GALNT17: variants seen among roughly 807,000 people sequenced by gnomAD.
GALNT17 encodes the protein UDP-GalNAc:polypeptide N-acetylgalactosaminyltransferase-like 3.
In GALNT17, 29 loss-of-function variants were observed where a neutral mutation model predicts 63.7. That is an observed-to-expected ratio of 0.46 (90% confidence interval 0.34 to 0.62). GALNT17 has a LOEUF of 0.62. GALNT17 is among the 20% of genes least tolerant of loss of function. The pLI, the probability that GALNT17 is intolerant of heterozygous loss-of-function variation, is 0.01. For synonymous variants in GALNT17, 305 were observed against 318.3 expected (o/e 0.96, Z 0.45); for missense variants, 603 against 799.6 (o/e 0.75, Z 2.97).
chr7:71,192,993 C>G (rs1788980719), intron 1 of GALNT17, among the ~76,000 whole-genome samples: 1 of 152,164 alleles, frequency 6.6e-6, no homozygotes, highest in South Asian at 2.1e-4. Flanking sequence ...TACACAGGCT[C>G]TGCATGAGTA....
intron 5 of GALNT17, among the ~76,000 whole-genome samples, chr7:71,529,810 G>A (rs1160789422): frequency 6.6e-6 from 1 of 152,196 alleles, no homozygotes; most frequent in Non-Finnish European, 1.5e-5. Flanking sequence ...TTAATAACCT[G>A]TGAATTTTAG....
chr7:71,678,580 G>C (rs1402571892), intron 9 of GALNT17, among the ~76,000 whole-genome samples: 3 of 151,916 alleles, frequency 2.0e-5, no homozygotes, highest in African/African-American at 4.8e-5. Flanking sequence ...GGCAGATCAT[G>C]AGGTCAGGAG....
At chr7:71,216,650 A>G (rs1585888133) in intron 1 of GALNT17, among the ~76,000 whole-genome samples, 1 of 151,070 alleles carries the variant, frequency 6.6e-6, no homozygotes. Context: ...ATATACAGAC[A>G]TACAAATACA....
At chr7:71,503,115 A>G (rs567247033) in intron 5 of GALNT17, among the ~76,000 whole-genome samples, 90 of 152,270 alleles carry the variant, frequency 5.9e-4, no homozygotes, top group African/African-American at 2.1e-3. Flanking sequence ...TTCTGTCCAC[A>G]GCTATTAAAT....
At chr7:71,447,634 C>A (rs1165404216) in intron 5 of GALNT17, among the ~76,000 whole-genome samples, 1 of 152,172 alleles carries the variant, frequency 6.6e-6, no homozygotes, top group Non-Finnish European at 1.5e-5. Context: ...CACTCTTACA[C>A]CACTTATTAA....
In GALNT17 at chr7:71,162,144, C is replaced by CCTTCCTTCCTTCCTTCCTTT. The variant is rs1788359675; in HGVS notation, c.238+29123_238+29124insTCTTCCTTCCTTCCTTCCTT. On this transcript the variant is annotated intron_variant, in intron 1 of 10. Transcript: ENST00000333538. ...CCCTCCCTTCCTTCCTTCCTTCCTT[C>CCTTCCTTCCTTCCTTCCTTT]CTTCCTTCCTTCCTTCCTTCCTTCC... Among the ~76,000 whole-genome samples the CCTTCCTTCCTTCCTTCCTTT allele has an allele frequency of 3.1e-4, 40 of 130,356 alleles. 1 individual carries two copies. Among genetic ancestry groups the CCTTCCTTCCTTCCTTCCTTT allele is most frequent in the African/African-American group, 1.0e-3 (33 of 32,716 alleles). 85.5% of individuals were successfully genotyped at this position (130,356 alleles called of 152,430 possible).
chr7:71,544,331 A>G, intron 5 of GALNT17, among the ~76,000 whole-genome samples: 1 of 137,268 alleles, frequency 7.3e-6, no homozygotes, highest in Non-Finnish European at 1.5e-5. Context: ...TTTAGTAGAG[A>G]CGGGGTTTCA....
At chr7:71,531,044 A>C (rs976405603) in intron 5 of GALNT17, among the ~76,000 whole-genome samples, 4 of 131,704 alleles carry the variant, frequency 3.0e-5, no homozygotes, top group Non-Finnish European at 4.8e-5. Flanking sequence ...AACTCACTGA[A>C]TCTTTATTTT....
chr7:71,461,880 A>G (rs572022808), intron 5 of GALNT17, among the ~76,000 whole-genome samples: 1 of 152,126 alleles, frequency 6.6e-6, no homozygotes, highest in Non-Finnish European at 1.5e-5. Flanking sequence ...TGTAATTGCT[A>G]TCAACTTGCT....
At chr7:71,230,007 C>T (rs559339084) in intron 1 of GALNT17, among the ~76,000 whole-genome samples, 4 of 152,232 alleles carry the variant, frequency 2.6e-5, no homozygotes, top group African/African-American at 9.6e-5. Context: ...AAACATGGTG[C>T]TGAGCATGTG....
rs995096687 is a variant in GALNT17 at position 71,132,509 on chromosome 7, C to A, written c.-294C>A. 2.3e-5 allele frequency: 9 copies of A among 383,772 alleles called. No homozygotes were observed. In the East Asian group the frequency reaches 4.2e-4, roughly 18 times the overall value. The allele number at this position is 383,772 out of a possible 1,614,324, so 23.8% of individuals were successfully genotyped here. A position where few individuals can be genotyped will look rare whatever the true frequency, so the allele number is the denominator to read the frequency against. On this transcript the variant is annotated 5_prime_UTR_variant, in exon 1 of 11. Transcript: ENST00000333538. ...TGGTGCAGAAGAGAAACCCTCAAAT[C>A]CCTGGCCTTTCGCGGAGACGCCTGG...
chr7:71,598,847 T>G, intron 6 of GALNT17, among the ~76,000 whole-genome samples: 1 of 144,284 alleles, frequency 6.9e-6, no homozygotes, highest in Non-Finnish European at 1.5e-5. Flanking sequence ...AAGTACTGAG[T>G]GCTATGAGAA....
intron 1 of GALNT17, among the ~76,000 whole-genome samples, chr7:71,335,032 C>A (rs1791873253): frequency 6.6e-6 from 1 of 152,158 alleles, no homozygotes. Context: ...TTTCCTATGT[C>A]CTCTTTCGTC....
intron 2 of GALNT17, among the ~76,000 whole-genome samples, chr7:71,379,986 G>T (rs904905921): frequency 6.6e-6 from 1 of 152,156 alleles, no homozygotes; most frequent in African/African-American, 2.4e-5. Flanking sequence ...AGATCCCAGA[G>T]GAGAAAAAGC....
intron 9 of GALNT17, among the ~76,000 whole-genome samples, chr7:71,708,450 C>G (rs912167735): frequency 2.3e-4 from 1 of 4,310 alleles, no homozygotes; most frequent in African/African-American, 2.5e-4. Flanking sequence ...TCAATTACCT[C>G]CCACCGGTCC....
intron 3 of GALNT17, among the ~76,000 whole-genome samples, chr7:71,396,288 G>T (rs1271979039): frequency 6.6e-6 from 1 of 151,998 alleles, no homozygotes; most frequent in Non-Finnish European, 1.5e-5. Flanking sequence ...GCTAATTTTT[G>T]TATATGGTTT....
At chr7:71,369,895 A>C (rs1477233808) in intron 2 of GALNT17, among the ~76,000 whole-genome samples, 1 of 151,838 alleles carries the variant, frequency 6.6e-6, no homozygotes, top group Non-Finnish European at 1.5e-5. Context: ...TGGCAGGGAG[A>C]ATTCTACAGG....
At chr7:71,630,253 G>A (rs10280626) in intron 6 of GALNT17, among the ~76,000 whole-genome samples, 135,438 of 152,254 alleles carry the variant, frequency 0.89, 62,294 homozygotes, top group Non-Finnish European at 1. Flanking sequence ...CTTTCTTCAG[G>A]TAACTGAAAA....
At chr7:71,632,576 C>T (rs1790467536) in intron 6 of GALNT17, among the ~76,000 whole-genome samples, 1 of 152,024 alleles carries the variant, frequency 6.6e-6, no homozygotes, top group African/African-American at 2.4e-5. Context: ...ATCTGTGGGT[C>T]TGTGTGTGTT....
Sources: gnomAD v4.1 joint callset for allele counts (sites outside exome capture counted in the v4.1 genomes callset) on GRCh38, gnomAD v4.1.1 for gene constraint, MANE v1.5 for transcripts, NCBI Gene and HGNC (gene_info 2026-07-23, HGNC 2026-07-21) for gene names.